The following AK7 variants were observed in gnomAD, a reference collection of about 807,000 sequenced individuals.
The protein encoded by AK7 is adenylate kinase 7.
A neutral mutation model predicts 96.6 loss-of-function variants in AK7; 78 were observed. The ratio of observed to expected loss-of-function variants is 0.81; its 90% CI spans 0.67 to 0.97. The LOEUF (loss-of-function observed/expected upper bound fraction) is 0.97, where lower values mean the gene tolerates loss of function less well. Among genes scored for constraint, AK7 ranks in the 50% least tolerant of loss-of-function variants. AK7 has a pLI of 0.00. For missense variants in AK7, 855 were observed against 887.9 expected, an observed-to-expected ratio of 0.96 and a Z score of 0.47; for synonymous variants, 302 against 317.2, an observed-to-expected ratio of 0.95 and a Z score of 0.51.
At chr14:96,436,461 A>G (rs1892640928) in intron 5 of AK7, among the ~76,000 whole-genome samples, 2 of 152,116 alleles carry the variant, frequency 1.3e-5, no homozygotes, top group African/African-American at 4.8e-5. Context: ...CCTGGCCAAC[A>G]TGGGGAAACC....
At chr14:96,436,057 G>A (rs188587631) in intron 5 of AK7, among the ~76,000 whole-genome samples, 3 of 152,188 alleles carry the variant, frequency 2.0e-5, no homozygotes, top group South Asian at 2.1e-4. Flanking sequence ...CCTTGCAGGG[G>A]AGATTTCCAT....
rs909998971 is a variant in AK7, at chr14:96,412,885, G to C, written c.498+3944G>C. On this transcript the variant is annotated intron_variant, in intron 4 of 17. Transcript: ENST00000267584. ...CCCAGCTACACAGGAAGTTTTAACA[G>C]CCAAGGAAACCGGTTCTAAGTAAAG... is the stretch of plus-strand genomic sequence containing the variant. 5.0e-4 allele frequency among the ~76,000 whole-genome samples: 76 copies of C among 152,232 alleles called. 1 individual carries two copies. The highest frequency in any genetic ancestry group is 1.8e-3 in the African/African-American group (74 of 41,522).
chr14:96,487,006 G>A lies in AK7; in HGVS notation c.2083G>A (p.Gly695Ser). Residue 695 changes from glycine (G) to serine (S), a missense_variant, in exon 17 of 18, where the codon GGC (glycine) becomes AGC (serine). Physicochemically the swap from Gly to Ser is moderately conservative, Grantham distance 56. Coordinates refer to ENST00000267584, the MANE Select transcript of AK7 (RefSeq NM_152327.5). ...CTATGTGATGCCAACTCTTATTCAG[G>A]GCCTGAATGAATGTTGCAACGTCCG... The part of the protein sequence containing the change: ...MTYVMPTLIQ[G>S]LNECCNVRPE... The A allele has an allele frequency of 6.2e-7, 1 of 1,613,968 alleles. No individual in the cohort carries two copies. Among genetic ancestry groups the A allele is most frequent in the East Asian group, 2.2e-5 (1 of 44,872 alleles).
chr14:96,444,729 T>C (rs78396453), intron 7 of AK7, among the ~76,000 whole-genome samples: 2 of 151,802 alleles, frequency 1.3e-5, no homozygotes, highest in African/African-American at 2.4e-5. Flanking sequence ...TTTTTTTTTT[T>C]CCTTTTGAGA....
intron 5 of AK7, among the ~76,000 whole-genome samples, chr14:96,427,123 T>C (rs1469727301): frequency 3.9e-5 from 6 of 152,104 alleles, no homozygotes; most frequent in African/African-American, 1.4e-4. Flanking sequence ...TGCATGCCTG[T>C]AATCCCAGCT....
At chr14:96,418,915 A>G (rs1056927591) in intron 4 of AK7, among the ~76,000 whole-genome samples, 2 of 152,240 alleles carry the variant, frequency 1.3e-5, no homozygotes, top group African/African-American at 4.8e-5. Flanking sequence ...ACTTAGACCA[A>G]TGTATTGTGA....
intron 5 of AK7, among the ~76,000 whole-genome samples, chr14:96,433,498 C>T (rs529060918): frequency 3.3e-5 from 5 of 152,290 alleles, no homozygotes; most frequent in Admixed American, 1.3e-4. Context: ...ATGAAGTTCT[C>T]GTGCCATGGT....
chr14:96,488,612 A>C lies in AK7; in HGVS notation c.*269A>C. 1 of 330,210 alleles carries C rather than the reference A, an allele frequency of 3.0e-6. No individual in the cohort carries two copies. The highest frequency in any genetic ancestry group is 5.6e-6 in the Non-Finnish European group (1 of 178,406). The allele number at this position is 330,210 out of a possible 1,614,324, so 20.5% of individuals were successfully genotyped here. On this transcript the variant is annotated 3_prime_UTR_variant, in exon 18 of 18. Coordinates refer to ENST00000267584, the MANE Select transcript of AK7 (RefSeq NM_152327.5). ...TTTTATTCTTTAGTCAGATCTAAATATACCGCTTCTGTACACTAATGTTTA... is the reference window on the plus strand; with the variant it reads ...TTTTATTCTTTAGTCAGATCTAAATCTACCGCTTCTGTACACTAATGTTTA...
chr14:96,398,232 C>A lies in AK7; in HGVS notation c.263C>A (p.Pro88Gln). The A allele has an allele frequency of 6.2e-7, 1 of 1,613,498 alleles. No homozygotes were observed. The highest frequency in any genetic ancestry group is 1.3e-5 in the African/African-American group (1 of 75,024). ...GGCACGCTGTCCAAGCCTGACAGCCCGCGGCCTGACTTTGCGGTGGAGACG... is the reference window on the plus strand; with the variant it reads ...GGCACGCTGTCCAAGCCTGACAGCCAGCGGCCTGACTTTGCGGTGGAGACG... Reference protein sequence around the residue: ...IVGTLSKPDSPRPDFAVETYS... With the variant: ...IVGTLSKPDSQRPDFAVETYS... The change falls in exon 2 of 18, where the codon CCG becomes CAG. Residue 88 changes from proline to glutamine, a missense_variant. Coordinates refer to ENST00000267584, the MANE Select transcript of AK7 (RefSeq NM_152327.5).
At chr14:96,471,333 T>TAAAAA (rs35566282) in intron 12 of AK7, 145 bp from the exon 13 acceptor site, 2 of 186,168 alleles carry the variant, frequency 1.1e-5, no homozygotes, top group South Asian at 1.3e-4. Flanking sequence ...CCCGTCTCTT[T>TAAAAA]AAAAAAAAAA....
At position 96,419,573 on chromosome 14, in the gene AK7, G is replaced by A. The variant is rs772903991; in HGVS notation, c.499-1249G>A. ...CACTTGAATCCAGGATTTCAAGGCTGCAGTAAGCTATGATCAGGCCACTGC... is the reference window on the plus strand; with the variant it reads ...CACTTGAATCCAGGATTTCAAGGCTACAGTAAGCTATGATCAGGCCACTGC... On this transcript the variant is annotated intron_variant, in intron 4 of 17. Transcript: ENST00000267584. Among the ~76,000 whole-genome samples the A allele has an allele frequency of 2.0e-4, 31 of 152,224 alleles. 1 individual carries two copies. Among genetic ancestry groups the A allele is most frequent in the African/African-American group, 7.2e-4 (30 of 41,544 alleles).
chr14:96,458,252 A>G, intron 12 of AK7, 40 bp downstream of exon 12: 3 of 1,586,700 alleles, frequency 1.9e-6, no homozygotes, highest in Non-Finnish European at 2.6e-6. Context: ...GCTCTTGTGA[A>G]CAGTGGCTAT....
chr14:96,442,646 G>A (rs1342584963), intron 6 of AK7, 84 bp from the exon 7 acceptor site: 7 of 1,040,884 alleles, frequency 6.7e-6, no homozygotes, highest in Admixed American at 5.1e-5. Flanking sequence ...CCTTTCAGTT[G>A]CCTCTGACTG....
chr14:96,402,941 C>A (rs1186755512), intron 2 of AK7, among the ~76,000 whole-genome samples: 3 of 151,896 alleles, frequency 2.0e-5, no homozygotes, highest in Admixed American at 6.6e-5. Flanking sequence ...CCAACCCGGC[C>A]AACATTGTGA....
At chr14:96,448,630 T>TAAAAAA (rs71103528) in intron 8 of AK7, among the ~76,000 whole-genome samples, 7 of 74,896 alleles carry the variant, frequency 9.3e-5, no homozygotes, top group Non-Finnish European at 1.5e-4. Flanking sequence ...ACCCTATCTC[T>TAAAAAA]AAAAAAAAAA....
At chr14:96,444,442 G>A (rs1283246503) in intron 7 of AK7, among the ~76,000 whole-genome samples, 1 of 152,118 alleles carries the variant, frequency 6.6e-6, no homozygotes, top group Non-Finnish European at 1.5e-5. Context: ...CAAGTTATAG[G>A]AGGCCATTGT....
intron 5 of AK7, chr14:96,424,134 G>A (rs1023092300): frequency 1.4e-5 from 9 of 637,172 alleles, no homozygotes; most frequent in Admixed American, 4.2e-5. Flanking sequence ...CCCCGTGCAG[G>A]TGACATGCAG....
chr14:96,482,413 A>G (rs1349921370), intron 15 of AK7, among the ~76,000 whole-genome samples: 2 of 152,182 alleles, frequency 1.3e-5, no homozygotes, highest in Non-Finnish European at 2.9e-5. Flanking sequence ...AGAGTGGCAT[A>G]GAATTTACCA....
chr14:96,456,277 A>C (rs1893898550), intron 10 of AK7, 70 bp from the exon 11 acceptor site: 1 of 1,476,500 alleles, frequency 6.8e-7, no homozygotes, highest in Non-Finnish European at 9.0e-7. Flanking sequence ...CCCCTGAAAT[A>C]AAAAACCACT....
Sources: gnomAD v4.1 joint callset for allele counts (sites outside exome capture counted in the v4.1 genomes callset) on GRCh38, gnomAD v4.1.1 for gene constraint, MANE v1.5 for transcripts, NCBI Gene and HGNC (gene_info 2026-07-23, HGNC 2026-07-21) for gene names.